The following LYPD1 variants were observed in gnomAD, a reference collection of about 807,000 sequenced individuals.
The protein encoded by LYPD1 is LY6/PLAUR domain containing 1.
In LYPD1, 14 loss-of-function variants were observed where a neutral mutation model predicts 14.2. The ratio of observed to expected loss-of-function variants is 0.99; its 90% CI spans 0.65 to 1.54. The LOEUF (loss-of-function observed/expected upper bound fraction) is 1.54. LYPD1 is among the 40% of genes most tolerant of loss of function. LYPD1 has a pLI of 0.00. For missense variants in LYPD1, 165 were observed against 175.7 expected, an observed-to-expected ratio of 0.94 and a Z score of 0.34; for synonymous variants, 85 against 70.6, an observed-to-expected ratio of 1.20 and a Z score of -1.02.
chr2:132,659,337 A>T lies in LYPD1; in HGVS notation c.190+9063T>A, dbSNP rs181940442. Among the ~76,000 whole-genome samples, 514 of 152,166 alleles carry T rather than the reference A, an allele frequency of 3.4e-3. 1 individual carries two copies. The highest frequency in any genetic ancestry group is 0.02 in the Middle Eastern group (6 of 294). On this transcript the variant is annotated intron_variant, in intron 2 of 2. Coordinates refer to ENST00000397463, the MANE Select transcript of LYPD1 (RefSeq NM_144586.7). ...GTGTGTGTCTGTGTAAGACAGAGGG[A>T]AGGTGAGGTAGAGAGAGAAAGAGAG...
intron 2 of LYPD1, among the ~76,000 whole-genome samples, chr2:132,660,320 C>T (rs1682860106): frequency 6.6e-6 from 1 of 152,220 alleles, no homozygotes; most frequent in South Asian, 2.1e-4. Context: ...TATTTAAACA[C>T]ATCCTCTAAA....
At chr2:132,652,438 TA>T (rs1319832859) in intron 2 of LYPD1, among the ~76,000 whole-genome samples, 1 of 152,174 alleles carries the variant, frequency 6.6e-6, no homozygotes, top group Non-Finnish European at 1.5e-5. Flanking sequence ...AGAGTTTACA[TA>T]AAGCTACAAT....
rs1682013043 is a variant in LYPD1 at position 132,645,488 on chromosome 2, G to A, written c.*557C>T. 1.2e-6 allele frequency: 2 copies of A among 1,613,740 alleles called. No individual in the cohort carries two copies. The highest frequency in any genetic ancestry group is 1.7e-6 in the Non-Finnish European group (2 of 1,180,054). The stretch of plus-strand genomic sequence containing the variant: ...AAGATTTTCTTAAGCACTTTTCAGA[G>A]CGAGGCCGAGCCCCAGTCTAAGTCC... On this transcript the variant is annotated 3_prime_UTR_variant, in exon 3 of 3. Transcript: ENST00000397463.
intron 2 of LYPD1, among the ~76,000 whole-genome samples, chr2:132,661,935 A>G (rs1009577616): frequency 9.2e-6 from 1 of 108,174 alleles, no homozygotes; most frequent in Non-Finnish European, 1.8e-5. Flanking sequence ...AAATGGCACC[A>G]CAGCGGAAAA....
intron 2 of LYPD1, among the ~76,000 whole-genome samples, chr2:132,660,081 C>T (rs1042221962): frequency 6.6e-6 from 1 of 152,232 alleles, no homozygotes; most frequent in African/African-American, 2.4e-5. Context: ...GCGCGGCCCG[C>T]CTCTAGCACT....
Position 132,645,212 on chromosome 2 carries a change from T to C in LYPD1, c.*833A>G. The C allele has an allele frequency of 6.2e-7, 1 of 1,614,186 alleles. No homozygotes were observed. The highest frequency in any genetic ancestry group is 8.5e-7 in the Non-Finnish European group (1 of 1,180,024). ...ACGAGGTCCTACTTCCGGGCGTACA[T>C]GATCCTCCTCCCCTTCTCGGAGACG... On this transcript the variant is annotated 3_prime_UTR_variant, in exon 3 of 3. Transcript: ENST00000397463.
At chr2:132,653,406 A>G (rs1282567213) in intron 2 of LYPD1, among the ~76,000 whole-genome samples, 1 of 152,246 alleles carries the variant, frequency 6.6e-6, no homozygotes, top group African/African-American at 2.4e-5. Flanking sequence ...AACCCCATCC[A>G]ATCAGGTAAA....
chr2:132,656,802 C>T (rs1371913671), intron 2 of LYPD1, among the ~76,000 whole-genome samples: 1 of 152,052 alleles, frequency 6.6e-6, no homozygotes, highest in Non-Finnish European at 1.5e-5. Context: ...CACAGGAACC[C>T]AACAAGAATG....
At chr2:132,647,819 G>GT (rs751336495) in intron 2 of LYPD1, among the ~76,000 whole-genome samples, 1 of 152,146 alleles carries the variant, frequency 6.6e-6, no homozygotes, top group African/African-American at 2.4e-5. Context: ...GGCAGGTGTG[G>GT]TTTTGGTTTT....
chr2:132,648,288 G>A (rs115288166), intron 2 of LYPD1, among the ~76,000 whole-genome samples: 4,094 of 152,244 alleles, frequency 0.027, 185 homozygotes, highest in African/African-American at 0.092. Flanking sequence ...TTTACTGAAT[G>A]TATTTTTCTC....
chr2:132,646,536 AT>A (rs1682092026), intron 2 of LYPD1: 5 of 372,036 alleles, frequency 1.3e-5, no homozygotes, highest in Non-Finnish European at 2.4e-5. Flanking sequence ...ATACCTGTTA[AT>A]AAAGAGCTGT....
intron 2 of LYPD1, among the ~76,000 whole-genome samples, chr2:132,664,832 G>T (rs1683176085): frequency 6.6e-6 from 1 of 152,202 alleles, no homozygotes; most frequent in Admixed American, 6.5e-5. Context: ...TCATACTGGA[G>T]GGGGCTTCTA....
chr2:132,660,494 G>A (rs1025685427), intron 2 of LYPD1: 1 of 152,204 alleles, frequency 6.6e-6, no homozygotes, highest in Non-Finnish European at 1.5e-5. Context: ...AAGAGTTTCA[G>A]AATCACGATG....
chr2:132,658,043 C>T (rs575815985), intron 2 of LYPD1, among the ~76,000 whole-genome samples: 8 of 152,276 alleles, frequency 5.3e-5, no homozygotes, highest in African/African-American at 9.6e-5. Flanking sequence ...ACTTTGGAAA[C>T]TCTTTTGCGT....
chr2:132,661,738 G>C (rs1682953781), intron 2 of LYPD1, among the ~76,000 whole-genome samples: 1 of 152,054 alleles, frequency 6.6e-6, no homozygotes, highest in African/African-American at 2.4e-5. Context: ...TGGGAAAAGG[G>C]GAAAATGAGG....
At chr2:132,652,966 A>G (rs1682413741) in intron 2 of LYPD1, among the ~76,000 whole-genome samples, 2 of 152,226 alleles carry the variant, frequency 1.3e-5, no homozygotes, top group African/African-American at 4.8e-5. Context: ...CAGGCAGTTC[A>G]TTCCACTGCA....
At chr2:132,651,430 T>C (rs992208338) in intron 2 of LYPD1, among the ~76,000 whole-genome samples, 1 of 152,054 alleles carries the variant, frequency 6.6e-6, no homozygotes, top group Non-Finnish European at 1.5e-5. Flanking sequence ...CCCCATAAGC[T>C]CAGGTCTGGG....
chr2:132,661,160 A>C (rs75253318), intron 2 of LYPD1, among the ~76,000 whole-genome samples: 15 of 152,172 alleles, frequency 9.9e-5, no homozygotes, highest in Admixed American at 2.6e-4. Flanking sequence ...GGAGCTGGGC[A>C]TCTGGGACCA....
At position 132,644,949 on chromosome 2, in the gene LYPD1, CT is replaced by C; in HGVS notation, c.*1095del. 2.5e-6 allele frequency: 2 copies of C among 803,612 alleles called. No homozygotes were observed. Among genetic ancestry groups the C allele is most frequent in the Non-Finnish European group, 3.8e-6 (2 of 522,426 alleles). 49.8% of individuals were successfully genotyped at this position (803,612 alleles called of 1,614,324 possible). A position where few individuals can be genotyped will look rare whatever the true frequency, so the allele number is the denominator to read the frequency against. On this transcript the variant is annotated 3_prime_UTR_variant, in exon 3 of 3. Transcript: ENST00000397463. ...TCTCTCTTGCTTGTGGCAAAAGAAG[CT>C]GTCAAGTCCAACACTGAAAAATTGG...
Sources: gnomAD v4.1 joint callset for allele counts (sites outside exome capture counted in the v4.1 genomes callset) on GRCh38, gnomAD v4.1.1 for gene constraint, MANE v1.5 for transcripts, NCBI Gene and HGNC (gene_info 2026-07-23, HGNC 2026-07-21) for gene names.